Variants in RAB3C observed in about 807,000 individuals in gnomAD.
RAB3C encodes the protein ras-related protein Rab-3C.
A neutral mutation model predicts 26.4 loss-of-function variants in RAB3C; 17 were observed. The observed-to-expected ratio is 0.64, with a 90% confidence interval of 0.44 to 0.97. RAB3C has a LOEUF of 0.97. RAB3C is among the 50% of genes least tolerant of loss of function. The probability of loss-of-function intolerance (pLI) is 0.00; values close to 1 mark genes in which losing one functional copy is unlikely to be tolerated. For missense variants in RAB3C, 242 were observed against 281.9 expected (o/e 0.86, Z 1.01); for synonymous variants, 91 against 95.9 (o/e 0.95, Z 0.30).
chr5:58,818,140 T>C (rs1435454309), intron 3 of RAB3C, among the ~76,000 whole-genome samples: 1 of 152,198 alleles, frequency 6.6e-6, no homozygotes, highest in Non-Finnish European at 1.5e-5. Context: ...TGGACTGTTT[T>C]TCAGAACATT....
chr5:58,658,813 C>T (rs1172143328), intron 2 of RAB3C, among the ~76,000 whole-genome samples: 3 of 152,154 alleles, frequency 2.0e-5, no homozygotes, highest in Admixed American at 6.5e-5. Flanking sequence ...TGTATTTCAT[C>T]ATCTAGCAGA....
In RAB3C at chr5:58,854,958, A is replaced by T. The variant is rs973477824; in HGVS notation, c.*3607A>T. 1 of 152,170 alleles carries T rather than the reference A, an allele frequency of 6.6e-6. No individual in the cohort carries two copies. Among genetic ancestry groups the T allele is most frequent in the Non-Finnish European group, 1.5e-5 (1 of 68,036 alleles). The allele number at this position is 152,170 out of a possible 1,614,324, so 9.4% of individuals were successfully genotyped here. ...TAAACTTTCAATTTTAAATACATCT[A>T]TGCTGACGATAGACTTTCGGGTATA... On this transcript the variant is annotated 3_prime_UTR_variant, in exon 5 of 5. Transcript: ENST00000282878.
intron 4 of RAB3C, among the ~76,000 whole-genome samples, chr5:58,825,933 C>T (rs988495907): frequency 6.6e-6 from 1 of 152,152 alleles, no homozygotes; most frequent in Non-Finnish European, 1.5e-5. Flanking sequence ...AAGTAATTCA[C>T]AGTCCCTAGG....
chr5:58,691,262 G>A (rs986460527), intron 2 of RAB3C, among the ~76,000 whole-genome samples: 1 of 152,120 alleles, frequency 6.6e-6, no homozygotes, highest in African/African-American at 2.4e-5. Flanking sequence ...GGCTGTGGGG[G>A]AATGTATAAT....
chr5:58,620,546 A>T (rs957498871), intron 2 of RAB3C, among the ~76,000 whole-genome samples: 1 of 152,214 alleles, frequency 6.6e-6, no homozygotes. Flanking sequence ...CATAGCTAGC[A>T]TTTATTGAAT....
intron 2 of RAB3C, among the ~76,000 whole-genome samples, chr5:58,639,457 C>G (rs868719773): frequency 6.6e-6 from 1 of 152,150 alleles, no homozygotes; most frequent in African/African-American, 2.4e-5. Flanking sequence ...GATTCAGTTT[C>G]TGGTGAAGGC....
chr5:58,780,145 C>T (rs930145716), intron 3 of RAB3C, among the ~76,000 whole-genome samples: 2 of 152,028 alleles, frequency 1.3e-5, no homozygotes, highest in Admixed American at 1.3e-4. Context: ...ATGCTATTGG[C>T]AGCAAATTGT....
chr5:58,828,000 A>G (rs1470030938), intron 4 of RAB3C, among the ~76,000 whole-genome samples: 1 of 152,212 alleles, frequency 6.6e-6, no homozygotes, highest in Non-Finnish European at 1.5e-5. Flanking sequence ...TAACTGCTTT[A>G]TCGATCTGGT....
At chr5:58,761,061 T>TCACACACACACACACACA (rs769194224) in intron 3 of RAB3C, among the ~76,000 whole-genome samples, 87 of 126,542 alleles carry the variant, frequency 6.9e-4, no homozygotes, top group African/African-American at 2.4e-3. Flanking sequence ...TCTCTCTCTC[T>TCACACACACACACACACA]CTCACACACA....
chr5:58,707,475 T>G (rs1460225671), intron 2 of RAB3C, among the ~76,000 whole-genome samples: 1 of 152,198 alleles, frequency 6.6e-6, no homozygotes, highest in Non-Finnish European at 1.5e-5. Flanking sequence ...TTGATTTTCA[T>G]AGCAACCTTA....
intron 2 of RAB3C, among the ~76,000 whole-genome samples, chr5:58,721,171 GCCA>G (rs1740748127): frequency 2.0e-5 from 3 of 147,738 alleles, no homozygotes; most frequent in Middle Eastern, 3.6e-3. Context: ...AATCAAACTT[GCCA>G]TTAATGCCAA....
chr5:58,825,540 G>C (rs973107163), intron 4 of RAB3C, among the ~76,000 whole-genome samples: 1 of 152,038 alleles, frequency 6.6e-6, no homozygotes. Context: ...GTTTCCATTG[G>C]AGGAGGATAA....
chr5:58,624,667 T>A (rs1166880208), intron 2 of RAB3C, among the ~76,000 whole-genome samples: 2 of 152,054 alleles, frequency 1.3e-5, no homozygotes, highest in Admixed American at 1.3e-4. Context: ...CAGACACATG[T>A]GGGAGATGGG....
Position 58,620,534 on chromosome 5 carries a change from T to C in RAB3C, c.252+2664T>C, listed in dbSNP as rs985530297. On this transcript the variant is annotated intron_variant, in intron 2 of 4. Transcript: ENST00000282878. Reference sequence around the variant, plus strand: ...CAAATATCAAATTGTATAAATATTATGCATAGCTAGCATTTATTGAATACA... The same window carrying C: ...CAAATATCAAATTGTATAAATATTACGCATAGCTAGCATTTATTGAATACA... Among the ~76,000 whole-genome samples the C allele has an allele frequency of 9.8e-5, 15 of 152,342 alleles. 1 individual carries two copies. The South Asian group carries it at 3.1e-3, about 32-fold the overall frequency.
rs1325212744 is a variant in RAB3C at position 58,627,515 on chromosome 5, A to AAAAAAAAAAAAC, written c.252+9649_252+9650insAAAAAAACAAAA. Among the ~76,000 whole-genome samples the AAAAAAAAAAAAC allele has an allele frequency of 9.1e-4, 55 of 60,564 alleles. 7 individuals carry two copies. The highest frequency in any genetic ancestry group is 1.3e-3 in the Non-Finnish European group (40 of 30,320). The allele number at this position is 60,564 out of a possible 152,430, so 39.7% of individuals were successfully genotyped here. A position where few individuals can be genotyped will look rare whatever the true frequency, so the allele number is the denominator to read the frequency against. On this transcript the variant is annotated intron_variant, in intron 2 of 4. Transcript: ENST00000282878. ...AAAAAAAAAAAAAAAAAAAAAAAAAAAAAACACAGCTTAAATTCGGTGCAA... is the reference window on the plus strand; with the variant it reads ...AAAAAAAAAAAAAAAAAAAAAAAAAAAAAAAAAAAAACAAAACACAGCTTAAATTCGGTGCAA...
chr5:58,836,661 T>C (rs1743754158), intron 4 of RAB3C, among the ~76,000 whole-genome samples: 2 of 118,076 alleles, frequency 1.7e-5, no homozygotes, highest in African/African-American at 6.4e-5. Context: ...CTGGCTTTTT[T>C]CACTTAATAT....
rs1741779516 is a variant in RAB3C at position 58,760,816 on chromosome 5, CA to C, written c.371+34697del. Among the ~76,000 whole-genome samples, 5 of 152,092 alleles carry C rather than the reference CA, an allele frequency of 3.3e-5. No individual in the cohort carries two copies. In the South Asian group the frequency reaches 1.0e-3, roughly 32 times the overall value. On this transcript the variant is annotated intron_variant, in intron 3 of 4. Coordinates refer to ENST00000282878, the MANE Select transcript of RAB3C (RefSeq NM_138453.4). Reference sequence around the variant, plus strand: ...GAACTTACAGTCTAGTTAATGGAGACATGTCAGGAACACGTGTGTCTAAAAA... The same window carrying C: ...GAACTTACAGTCTAGTTAATGGAGACTGTCAGGAACACGTGTGTCTAAAAA...
chr5:58,742,627 A>G (rs1741300717), intron 3 of RAB3C, among the ~76,000 whole-genome samples: 1 of 152,208 alleles, frequency 6.6e-6, no homozygotes, highest in South Asian at 2.1e-4. Flanking sequence ...TATCATTTAA[A>G]TTATTTCCTT....
At chr5:58,729,802 CACATAT>C (rs1740970958) in intron 3 of RAB3C, among the ~76,000 whole-genome samples, 1 of 143,698 alleles carries the variant, frequency 7.0e-6, no homozygotes, top group Admixed American at 7.0e-5. Flanking sequence ...ATTATATATA[CACATAT>C]ACATATACTA....
Sources: gnomAD v4.1 joint callset for allele counts (sites outside exome capture counted in the v4.1 genomes callset) on GRCh38, gnomAD v4.1.1 for gene constraint, MANE v1.5 for transcripts, NCBI Gene and HGNC (gene_info 2026-07-23, HGNC 2026-07-21) for gene names.